SLC25A28: variants seen among roughly 807,000 people sequenced by gnomAD.
The protein encoded by SLC25A28 is mitoferrin-2.
Under a neutral mutation model 31.9 loss-of-function variants are expected in SLC25A28, and 10 were observed. That is an observed-to-expected ratio of 0.31 (90% CI 0.19 to 0.53). The LOEUF (loss-of-function observed/expected upper bound fraction) is 0.53. SLC25A28 is among the 20% of genes least tolerant of loss of function. The probability of loss-of-function intolerance (pLI) is 0.95; values close to 1 mark genes in which losing one functional copy is unlikely to be tolerated. For missense variants in SLC25A28, 256 were observed against 490.3 expected (o/e 0.52, Z 4.51); for synonymous variants, 208 against 203.6 (o/e 1.02, Z -0.19).
chr10:99,618,245 T>G (rs994880462), intron 1 of SLC25A28: 1 of 970,138 alleles, frequency 1.0e-6, no homozygotes, highest in Non-Finnish European at 1.2e-6. Context: ...ATATATGGAG[T>G]AAGGAGATAA....
At chr10:99,644,577 G>A in the SLC25A28 span, among the ~76,000 whole-genome samples, 1 of 152,158 alleles carries the variant, frequency 6.6e-6, no homozygotes, top group Non-Finnish European at 1.5e-5. Flanking sequence ...ATTGTTATGT[G>A]TGAATTTGAT....
At chr10:99,634,313 G>GA in the SLC25A28 span, among the ~76,000 whole-genome samples, 1 of 152,124 alleles carries the variant, frequency 6.6e-6, no homozygotes, top group African/African-American at 2.4e-5. Flanking sequence ...TGATTTACCT[G>GA]AAAAAGAATT....
At chr10:99,625,600 A>G (rs1263832664), upstream of SLC25A28, among the ~76,000 whole-genome samples, 2 of 152,112 alleles carry the variant, frequency 1.3e-5, no homozygotes, top group African/African-American at 4.8e-5. Context: ...TTCTTTAGTA[A>G]TAGAAACCTC....
chr10:99,634,012 G>A, the SLC25A28 span, among the ~76,000 whole-genome samples: 12 of 152,330 alleles, frequency 7.9e-5, no homozygotes, highest in African/African-American at 2.6e-4. Flanking sequence ...CTGGGGCTGG[G>A]TAGACTTGCT....
chr10:99,623,500 G>T (rs879600150), upstream of SLC25A28, among the ~76,000 whole-genome samples: 31 of 152,134 alleles, frequency 2.0e-4, no homozygotes, highest in Non-Finnish European at 7.3e-5. Context: ...TTCTGTTTAT[G>T]CTCTCCTTTT....
chr10:99,630,153 G>A, the SLC25A28 span, among the ~76,000 whole-genome samples: 8 of 152,068 alleles, frequency 5.3e-5, no homozygotes, highest in African/African-American at 1.9e-4. Context: ...CTTTGAGACG[G>A]AGTCCCATTC....
chr10:99,620,467 C>A (rs1118002), upstream of SLC25A28: 908,964 of 1,046,388 alleles, frequency 0.87, 395,359 homozygotes, highest in Middle Eastern at 0.9. Context: ...CTTGGCCCCG[C>A]GGACACGCCC....
chr10:99,647,406 T>C, the SLC25A28 span, among the ~76,000 whole-genome samples: 1 of 152,260 alleles, frequency 6.6e-6, no homozygotes, highest in Non-Finnish European at 1.5e-5. Context: ...ATTTCTCTGA[T>C]GATTAGTGAT....
chr10:99,641,855 T>A, the SLC25A28 span, among the ~76,000 whole-genome samples: 1 of 151,966 alleles, frequency 6.6e-6, no homozygotes, highest in African/African-American at 2.4e-5. Context: ...TTTGTCAGGT[T>A]TGTCAAAGAT....
Position 99,613,044 on chromosome 10 carries a change from T to C in SLC25A28, c.521-445A>G, listed in dbSNP as rs1195107834. 6.6e-6 allele frequency among the ~76,000 whole-genome samples: 1 copy of C among 152,142 alleles called. No homozygotes were observed. Reference sequence around the variant, plus strand: ...AGAACCCATTTGCAGAGCCTAACATTTGTCTACAAAGATCTTTCGTTCAGG... The same window carrying C: ...AGAACCCATTTGCAGAGCCTAACATCTGTCTACAAAGATCTTTCGTTCAGG... On this transcript the variant is annotated intron_variant, in intron 2 of 3. Transcript: ENST00000370495. The surrounding 1 kb of genome is among the most constrained non-coding windows in gnomAD (Gnocchi z 4.9).
chr10:99,616,734 G>A (rs1391664110), intron 1 of SLC25A28: 1 of 985,182 alleles, frequency 1.0e-6, no homozygotes, highest in Admixed American at 6.2e-5. Flanking sequence ...TATATGGAAG[G>A]CTTGAGAGTC....
chr10:99,638,843 C>T, the SLC25A28 span, among the ~76,000 whole-genome samples: 7 of 152,040 alleles, frequency 4.6e-5, no homozygotes, highest in South Asian at 2.1e-4. Context: ...TTGATGGGAA[C>T]GTAAACTAGT....
chr10:99,635,512 T>C, the SLC25A28 span, among the ~76,000 whole-genome samples: 1 of 39,700 alleles, frequency 2.5e-5, no homozygotes, highest in African/African-American at 7.2e-5. Context: ...AAACCCTGTC[T>C]CTACTAAATA....
chr10:99,614,017 C>T, intron 1 of SLC25A28, 93 bp from the exon 2 acceptor site: 1 of 1,404,174 alleles, frequency 7.1e-7, no homozygotes, highest in Admixed American at 2.8e-5. Context: ...TGGAGCTGTG[C>T]CAATCTGTGA....
At chr10:99,631,339 G>A in the SLC25A28 span, among the ~76,000 whole-genome samples, 1 of 152,204 alleles carries the variant, frequency 6.6e-6, no homozygotes, top group Non-Finnish European at 1.5e-5. Flanking sequence ...AAGGAAATGA[G>A]CTGTAAGAAA....
chr10:99,619,165 G>A lies in SLC25A28; in HGVS notation c.291+880C>T, dbSNP rs184436609. 5,658 of 985,358 alleles carry A rather than the reference G, an allele frequency of 5.7e-3. 31 individuals are homozygous for A. The highest frequency in any genetic ancestry group is 6.4e-3 in the Non-Finnish European group (5,341 of 829,926). 61.0% of individuals were successfully genotyped at this position (985,358 alleles called of 1,614,324 possible). A position where few individuals can be genotyped will look rare whatever the true frequency, so the allele number is the denominator to read the frequency against. ...CAGTACACATAAATCATCCTGCTTG[G>A]TTGTGAATGCAATTAGTTTTACTTT... On this transcript the variant is annotated intron_variant, in intron 1 of 3. Coordinates refer to ENST00000370495, the MANE Select transcript of SLC25A28 (RefSeq NM_031212.4).
At chr10:99,641,304 C>A in the SLC25A28 span, among the ~76,000 whole-genome samples, 1 of 152,212 alleles carries the variant, frequency 6.6e-6, no homozygotes, top group African/African-American at 2.4e-5. Context: ...ATTTGCATTT[C>A]TCTGATGGCC....
chr10:99,639,259 C>T, the SLC25A28 span, among the ~76,000 whole-genome samples: 2 of 151,798 alleles, frequency 1.3e-5, no homozygotes, highest in Admixed American at 6.6e-5. Context: ...ATTGTATCTT[C>T]TCACCGATAT....
chr10:99,617,713 G>A (rs2034690144), intron 1 of SLC25A28: 1 of 985,266 alleles, frequency 1.0e-6, no homozygotes, highest in African/African-American at 1.7e-5. Flanking sequence ...GTGAAAATGA[G>A]CCTTCTAAAA....
Sources: allele counts gnomAD v4.1 joint callset (sites outside exome capture counted in the v4.1 genomes callset), GRCh38; gene constraint gnomAD v4.1.1; non-coding constraint Gnocchi (gnomAD v3.1); transcripts MANE v1.5; gene names NCBI Gene and HGNC (gene_info 2026-07-23, HGNC 2026-07-21).